Variants in MLLT3 observed in about 807,000 individuals in gnomAD.
The protein encoded by MLLT3 is MLLT3 super elongation complex subunit, also known as protein AF-9.
A neutral mutation model predicts 53.2 loss-of-function variants in MLLT3; 4 were observed. The ratio of observed to expected loss-of-function variants is 0.08; its 90% confidence interval spans 0.04 to 0.17. The LOEUF (loss-of-function observed/expected upper bound fraction) is 0.17. MLLT3 is among the 10% of genes least tolerant of loss of function. The pLI is 1.00. For synonymous variants in MLLT3, 283 were observed against 230.6 expected, an observed-to-expected ratio of 1.23 and a Z score of -2.06; for missense variants, 569 against 684.0, an observed-to-expected ratio of 0.83 and a Z score of 1.87.
chr9:20,347,777 A>G (rs1820914055), intron 10 of MLLT3, among the ~76,000 whole-genome samples: 1 of 152,164 alleles, frequency 6.6e-6, no homozygotes, highest in Non-Finnish European at 1.5e-5. Flanking sequence ...TTCTCTTTCT[A>G]TCACTTACCT....
chr9:20,544,637 G>T (rs1443042429), intron 2 of MLLT3, among the ~76,000 whole-genome samples: 1 of 152,176 alleles, frequency 6.6e-6, no homozygotes, highest in Non-Finnish European at 1.5e-5. Flanking sequence ...TGTCATTGGG[G>T]ATACAAAATG....
chr9:20,344,991 A>C lies in MLLT3; in HGVS notation c.*1452T>G, dbSNP rs1384556418. The stretch of plus-strand genomic sequence containing the variant: ...GGCTGAATTTCTAGTAAAAACTTTG[A>C]AGATGAGCTGTTCTTACTTTTCATT... On this transcript the variant is annotated 3_prime_UTR_variant, in exon 11 of 11. Coordinates refer to ENST00000380338, the MANE Select transcript of MLLT3 (RefSeq NM_004529.4). 2 of 216,294 alleles carry C rather than the reference A, an allele frequency of 9.2e-6. No individual in the cohort carries two copies. The highest frequency in any genetic ancestry group is 1.9e-5 in the Non-Finnish European group (2 of 107,336). 13.4% of individuals were successfully genotyped at this position (216,294 alleles called of 1,614,324 possible).
chr9:20,571,822 AAG>A (rs1432171990), intron 2 of MLLT3, among the ~76,000 whole-genome samples: 1 of 152,254 alleles, frequency 6.6e-6, no homozygotes, highest in Non-Finnish European at 1.5e-5. Context: ...AAACCACAAT[AAG>A]ATATCATTTC....
At chr9:20,494,492 A>T (rs1470855576) in intron 2 of MLLT3, among the ~76,000 whole-genome samples, 14 of 152,190 alleles carry the variant, frequency 9.2e-5, no homozygotes, top group Non-Finnish European at 2.1e-4. Context: ...ATCTCTGGGA[A>T]TATTTTTTCC....
intron 2 of MLLT3, among the ~76,000 whole-genome samples, chr9:20,495,226 C>G (rs1217947050): frequency 1.3e-5 from 2 of 152,106 alleles, no homozygotes; most frequent in Non-Finnish European, 2.9e-5. Flanking sequence ...ACTCAGAAAA[C>G]CTACTCCCTT....
chr9:20,511,118 A>C (rs1172032184), intron 2 of MLLT3, among the ~76,000 whole-genome samples: 1 of 152,196 alleles, frequency 6.6e-6, no homozygotes, highest in Non-Finnish European at 1.5e-5. Context: ...ATTTAAAACA[A>C]ATTAAAACAT....
intron 2 of MLLT3, among the ~76,000 whole-genome samples, chr9:20,458,777 T>C (rs1200616696): frequency 1.3e-5 from 2 of 152,156 alleles, no homozygotes; most frequent in African/African-American, 4.8e-5. Flanking sequence ...GGATGGTACT[T>C]TGTTAAAGCA....
chr9:20,608,451 C>A (rs962464615), intron 2 of MLLT3, among the ~76,000 whole-genome samples: 3 of 151,932 alleles, frequency 2.0e-5, no homozygotes, highest in Non-Finnish European at 4.4e-5. Flanking sequence ...ACATGGGTAT[C>A]TTTCTGTTAC....
chr9:20,377,562 A>G (rs1313400681), intron 5 of MLLT3, among the ~76,000 whole-genome samples: 1 of 152,188 alleles, frequency 6.6e-6, no homozygotes, highest in African/African-American at 2.4e-5. Context: ...ACATTTAACT[A>G]CATTTCCTTA....
rs748965005 is a variant in MLLT3 at position 20,456,763 on chromosome 9, C to T, written c.217G>A (p.Val73Ile). Reference protein sequence around the residue: ...KRVCKDPPYKVEESGYAGFIL... With the variant: ...KRVCKDPPYKIEESGYAGFIL... ...AAACCAGCATACCCAGATTCTTCTA[C>T]TTTGTAAGGTGGATCTTTGCACACT... The change falls in exon 3 of 11, where the codon GTA becomes ATA. Residue 73 changes from valine to isoleucine, a missense_variant. Around this residue, in one of 5 missense-constraint regions of MLLT3, gnomAD observed 35 missense variants for 136.8 expected, o/e 0.26. Coordinates refer to ENST00000380338, the MANE Select transcript of MLLT3 (RefSeq NM_004529.4). 10 of 1,602,612 alleles carry T rather than the reference C, an allele frequency of 6.2e-6. No homozygotes were observed.
intron 4 of MLLT3, among the ~76,000 whole-genome samples, chr9:20,443,192 TC>T (rs1160933339): frequency 1.3e-5 from 2 of 151,672 alleles, no homozygotes; most frequent in Non-Finnish European, 2.9e-5. Flanking sequence ...CCTACCACCA[TC>T]CCATAAAAAA....
intron 2 of MLLT3, among the ~76,000 whole-genome samples, chr9:20,472,587 C>A (rs1284743486): frequency 6.6e-6 from 1 of 151,954 alleles, no homozygotes; most frequent in Non-Finnish European, 1.5e-5. Context: ...GTTGAACACC[C>A]TAGATTGAAC....
At chr9:20,478,742 G>A (rs759700877) in intron 2 of MLLT3, among the ~76,000 whole-genome samples, 24 of 152,152 alleles carry the variant, frequency 1.6e-4, no homozygotes, top group Non-Finnish European at 3.2e-4. Context: ...TAACCTCGGA[G>A]CTTTCCTCGT....
chr9:20,374,462 A>C (rs1821700679), intron 5 of MLLT3, among the ~76,000 whole-genome samples: 1 of 152,252 alleles, frequency 6.6e-6, no homozygotes, highest in South Asian at 2.1e-4. Flanking sequence ...TATGTTACCA[A>C]TTCCCATTAA....
At chr9:20,600,139 AAAAAAC>A (rs906542297) in intron 2 of MLLT3, among the ~76,000 whole-genome samples, 14 of 47,304 alleles carry the variant, frequency 3.0e-4, no homozygotes, top group Non-Finnish European at 3.6e-4. Flanking sequence ...AAAAAAAAAC[AAAAAAC>A]AAAAAAAAAA....
chr9:20,365,578 G>T, intron 6 of MLLT3, 91 bp downstream of exon 6: 1 of 1,399,610 alleles, frequency 7.1e-7, no homozygotes, highest in Non-Finnish European at 1.0e-6. Context: ...TTGATCTCCT[G>T]ACCTCTTGAT....
chr9:20,361,587 G>T (rs966022406), intron 7 of MLLT3, among the ~76,000 whole-genome samples: 6 of 152,126 alleles, frequency 3.9e-5, no homozygotes, highest in African/African-American at 1.4e-4. Flanking sequence ...CAAAGAAATG[G>T]TATGTTTGGG....
At position 20,366,006 on chromosome 9, in the gene MLLT3, T is replaced by G. The variant is rs544296091; in HGVS notation, c.1126-262A>C. Among the ~76,000 whole-genome samples, 12 of 152,342 alleles carry G rather than the reference T, an allele frequency of 7.9e-5. No individual in the cohort carries two copies. The South Asian group carries it at 1.5e-3, about 18-fold the overall frequency. On this transcript the variant is annotated intron_variant, in intron 5 of 10. Coordinates refer to ENST00000380338, the MANE Select transcript of MLLT3 (RefSeq NM_004529.4). ...AAGGGCCTGGCTTTGATTTCACTCC[T>G]ACGTTTACTGCTATACAGGTCTCCC...
At chr9:20,593,941 A>ATT (rs35062068) in intron 2 of MLLT3, among the ~76,000 whole-genome samples, 109 of 141,990 alleles carry the variant, frequency 7.7e-4, no homozygotes, top group Admixed American at 1.5e-3. Context: ...CAATGTTCTC[A>ATT]TTTTTTTTTT....
Sources: gnomAD v4.1 joint callset for allele counts (sites outside exome capture counted in the v4.1 genomes callset) on GRCh38, gnomAD v4.1.1 for gene constraint, gnomAD v4.1.1 regional missense constraint, MANE v1.5 for transcripts, NCBI Gene and HGNC (gene_info 2026-07-23, HGNC 2026-07-21) for gene names.